The following CATSPER3 variants were observed in gnomAD, a reference collection of about 807,000 sequenced individuals.
CATSPER3 encodes cation channel sperm-associated protein 3.
A neutral mutation model predicts 36.6 loss-of-function variants in CATSPER3; 23 were observed. That is an observed-to-expected ratio of 0.63 (90% CI 0.45 to 0.89). CATSPER3 has a LOEUF of 0.89. CATSPER3 is among the 40% of genes least tolerant of loss of function. The pLI, the probability that CATSPER3 is intolerant of heterozygous loss-of-function variation, is 0.00. For synonymous variants in CATSPER3, 172 were observed against 184.1 expected (o/e 0.93, Z 0.53); for missense variants, 474 against 503.9 (o/e 0.94, Z 0.57).
At chr5:134,990,140 C>T (rs937863292) in intron 2 of CATSPER3, among the ~76,000 whole-genome samples, 1 of 152,116 alleles carries the variant, frequency 6.6e-6, no homozygotes. Context: ...AAATCTGAGA[C>T]AGGTCTCAGC....
At chr5:134,992,748 A>G (rs745662453) in intron 2 of CATSPER3, among the ~76,000 whole-genome samples, 1 of 152,130 alleles carries the variant, frequency 6.6e-6, no homozygotes, top group Non-Finnish European at 1.5e-5. Context: ...ACAACAACAA[A>G]TGGACACTAA....
chr5:134,998,852 C>T (rs917643215), intron 3 of CATSPER3, among the ~76,000 whole-genome samples: 1 of 152,120 alleles, frequency 6.6e-6, no homozygotes, highest in Non-Finnish European at 1.5e-5. Context: ...AATTTTCTCC[C>T]ATTCTGTAGG....
chr5:134,974,694 T>G (rs1420126731), intron 2 of CATSPER3, among the ~76,000 whole-genome samples: 1 of 152,232 alleles, frequency 6.6e-6, no homozygotes, highest in African/African-American at 2.4e-5. Context: ...ATAAACATAA[T>G]GTGGTATCAG....
intron 2 of CATSPER3, among the ~76,000 whole-genome samples, chr5:134,971,237 C>A (rs990114799): frequency 2.6e-5 from 4 of 152,088 alleles, no homozygotes; most frequent in African/African-American, 9.7e-5. Context: ...ACGTTAGCCA[C>A]TGTGCCCGGC....
At chr5:134,984,773 A>G (rs868261682) in intron 2 of CATSPER3, among the ~76,000 whole-genome samples, 55 of 151,890 alleles carry the variant, frequency 3.6e-4, no homozygotes, top group Admixed American at 1.4e-3. Flanking sequence ...ACTACTGACT[A>G]TCTCCCCAAA....
At chr5:135,009,128 C>A in intron 5 of CATSPER3, 147 bp downstream of exon 5, 2 of 1,137,804 alleles carry the variant, frequency 1.8e-6, no homozygotes, top group Non-Finnish European at 1.3e-6. Context: ...TGTCCCTCAC[C>A]CGGCCCAACT....
rs141694691 is a variant in CATSPER3 at position 134,996,422 on chromosome 5, C to G, written c.402C>G (p.Leu134=). The change falls in exon 3 of 8, where the codon CTC becomes CTG. Residue 134 remains leucine (L), a synonymous_variant. Transcript: ENST00000282611. ...VMFLPYALRQ[L]MGKQFTYLYI... ...TTTTACCCTATGCCCTCCGCCAGCT[C>G]ATGGGCAAACAGTTCACTTACCTGT... 69 of 1,613,986 alleles carry G rather than the reference C, an allele frequency of 4.3e-5. 2 individuals are homozygous for G. In the South Asian group the frequency reaches 4.9e-4, roughly 12 times the overall value.
In CATSPER3 at chr5:134,969,989, GTTTC is replaced by G; in HGVS notation, c.153_156del (p.Phe51LeufsTer3). 2 of 1,613,980 alleles carry G rather than the reference GTTTC, an allele frequency of 1.2e-6. No individual in the cohort carries two copies. The highest frequency in any genetic ancestry group is 8.5e-7 in the Non-Finnish European group (1 of 1,179,946). ...TTTGTGAAGAGAGTCATAATGAGCC[GTTTC>G]TTTAAGATAATTATGATTAGCACTG... On this transcript the variant is annotated frameshift_variant, in exon 2 of 8. Transcript: ENST00000282611. LOFTEE classifies it high-confidence loss of function.
chr5:134,998,540 T>C (rs1219426525), intron 3 of CATSPER3, among the ~76,000 whole-genome samples: 1 of 152,260 alleles, frequency 6.6e-6, no homozygotes, highest in African/African-American at 2.4e-5. Context: ...CCACCAACAG[T>C]GTAAAAGTGT....
intron 2 of CATSPER3, among the ~76,000 whole-genome samples, chr5:134,973,094 G>A (rs1751626093): frequency 6.6e-6 from 1 of 152,036 alleles, no homozygotes; most frequent in South Asian, 2.1e-4. Flanking sequence ...AAAAACTTGG[G>A]GAATATTGTT....
intron 2 of CATSPER3, among the ~76,000 whole-genome samples, chr5:134,995,366 G>A (rs1194019742): frequency 6.6e-6 from 1 of 151,986 alleles, no homozygotes; most frequent in African/African-American, 2.4e-5. Context: ...ACATATGAGT[G>A]AGAACATGTG....
At chr5:135,006,047 A>G (rs1431652561) in intron 3 of CATSPER3, among the ~76,000 whole-genome samples, 1 of 152,198 alleles carries the variant, frequency 6.6e-6, no homozygotes, top group Admixed American at 6.5e-5. Flanking sequence ...TGGGAATTCA[A>G]AATCACACAT....
rs200431670 is a variant in CATSPER3 at position 134,996,551 on chromosome 5, G to A, written c.492+39G>A. 8.2e-5 allele frequency: 132 copies of A among 1,608,564 alleles called. No individual in the cohort carries two copies. In the East Asian group the frequency reaches 2.7e-3, roughly 33 times the overall value. On this transcript the variant is annotated intron_variant, in intron 3 of 7. Coordinates refer to ENST00000282611, the MANE Select transcript of CATSPER3 (RefSeq NM_178019.3). ...GGGTGTCATGGTGCTGGGAGGGCAG[G>A]CCGTAGGCCCATTTGCCCCCAAGAC...
intron 2 of CATSPER3, chr5:134,995,811 C>T (rs1054054999): frequency 9.0e-6 from 2 of 221,682 alleles, no homozygotes; most frequent in Non-Finnish European, 1.8e-5. Flanking sequence ...AAGATTCGTT[C>T]ATAAAGTGTA....
chr5:134,995,943 A>G (rs1030927275), intron 2 of CATSPER3: 24 of 399,068 alleles, frequency 6.0e-5, no homozygotes, highest in African/African-American at 4.8e-4. Context: ...TGGTCAGAAA[A>G]CTCTTGGGAC....
chr5:135,009,485 A>G lies in CATSPER3; in HGVS notation c.931A>G (p.Ile311Val). 6.8e-7 allele frequency: 1 copy of G among 1,466,366 alleles called. No homozygotes were observed. The highest frequency in any genetic ancestry group is 9.0e-7 in the Non-Finnish European group (1 of 1,106,184). 90.8% of individuals were successfully genotyped at this position (1,466,366 alleles called of 1,614,324 possible). The change falls in exon 6 of 8, where the codon ATA (isoleucine) becomes GTA (valine). Residue 311 changes from isoleucine (I) to valine (V), a missense_variant. Transcript: ENST00000282611. ...GGAGGAGATCAGCAGGCTGATGCAC[A>G]TACAGGTGAGTGGCCCCTGCAGGCA... ...QQEEISRLMH[I>V]QKNADCTSFS...
At chr5:134,977,943 AAAC>A (rs1462286085) in intron 2 of CATSPER3, among the ~76,000 whole-genome samples, 2 of 152,122 alleles carry the variant, frequency 1.3e-5, no homozygotes, top group Admixed American at 6.5e-5. Flanking sequence ...ACACACTATT[AAAC>A]AACCAGATCT....
intron 3 of CATSPER3, among the ~76,000 whole-genome samples, chr5:134,997,535 C>T (rs773826118): frequency 1.1e-4 from 16 of 152,188 alleles, no homozygotes; most frequent in Non-Finnish European, 2.2e-4. Context: ...AATATCTAGC[C>T]TCTCTGAAGT....
rs183581318 is a variant in CATSPER3 at position 135,004,879 on chromosome 5, G to C, written c.493-3078G>C. ...TGGCCCCCTGAATCTGAGGGCTGTC[G>C]GGGATAGGCAGCCTTCTTGGAGAGG... On this transcript the variant is annotated intron_variant, in intron 3 of 7. Coordinates refer to ENST00000282611, the MANE Select transcript of CATSPER3 (RefSeq NM_178019.3). Among the ~76,000 whole-genome samples, 253 of 152,236 alleles carry C rather than the reference G, an allele frequency of 1.7e-3. 3 individuals carry two copies. The highest frequency in any genetic ancestry group is 5.8e-3 in the African/African-American group (243 of 41,556).
Sources: allele counts gnomAD v4.1 joint callset (sites outside exome capture counted in the v4.1 genomes callset), GRCh38; gene constraint gnomAD v4.1.1; transcripts MANE v1.5; gene names NCBI Gene and HGNC (gene_info 2026-07-23, HGNC 2026-07-21).